Variants in ANKS1B observed in about 807,000 individuals in gnomAD.
The protein encoded by ANKS1B is ankyrin repeat and sterile alpha motif domain containing 1B.
ANKS1B carries 36 observed loss-of-function variants against 148.3 expected under a neutral mutation model. The ratio of observed to expected loss-of-function variants is 0.24; its 90% CI spans 0.19 to 0.32. The LOEUF (loss-of-function observed/expected upper bound fraction) is 0.32, where lower values mean the gene tolerates loss of function less well. Among genes scored for constraint, ANKS1B ranks in the 10% least tolerant of loss-of-function variants. ANKS1B has a pLI of 1.00. For missense variants in ANKS1B, 1,157 were observed against 1,542.6 expected, an observed-to-expected ratio of 0.75 and a Z score of 4.19; for synonymous variants, 542 against 560.8, an observed-to-expected ratio of 0.97 and a Z score of 0.47.
At chr12:99,352,363 A>T (rs2091510958) in intron 12 of ANKS1B, among the ~76,000 whole-genome samples, 1 of 152,026 alleles carries the variant, frequency 6.6e-6, no homozygotes, top group South Asian at 2.1e-4. Flanking sequence ...ACAAAAGTAT[A>T]AATAAGAATG....
intron 8 of ANKS1B, among the ~76,000 whole-genome samples, chr12:99,690,168 G>A (rs2098671378): frequency 6.6e-6 from 1 of 152,108 alleles, no homozygotes; most frequent in Admixed American, 6.5e-5. Context: ...CATGAGAACA[G>A]CATAGGGGAA....
intron 14 of ANKS1B, among the ~76,000 whole-genome samples, chr12:99,222,638 A>C (rs1469383824): frequency 6.6e-6 from 1 of 152,158 alleles, no homozygotes; most frequent in African/African-American, 2.4e-5. Context: ...ACAAACAAAC[A>C]AAACTCTCTT....
chr12:98,800,954 CT>C (rs761322344), intron 21 of ANKS1B, 42 bp downstream of exon 21: 20 of 1,590,982 alleles, frequency 1.3e-5, no homozygotes, highest in Non-Finnish European at 1.6e-5. Flanking sequence ...AACATACCCC[CT>C]ATCTCCACTT....
intron 1 of ANKS1B, among the ~76,000 whole-genome samples, chr12:99,886,576 CA>C (rs2092833243): frequency 6.6e-6 from 1 of 151,764 alleles, no homozygotes; most frequent in Admixed American, 6.6e-5. Context: ...CTATGCATAC[CA>C]TCAACAAAGT....
At chr12:99,357,177 G>A (rs1195157460) in intron 12 of ANKS1B, among the ~76,000 whole-genome samples, 1 of 151,368 alleles carries the variant, frequency 6.6e-6, no homozygotes, top group Non-Finnish European at 1.5e-5. Context: ...ATGCTGATTT[G>A]GATTCAGCTT....
chr12:98,920,439 C>T (rs1423493502), intron 17 of ANKS1B, among the ~76,000 whole-genome samples: 4 of 152,174 alleles, frequency 2.6e-5, no homozygotes, highest in Admixed American at 6.5e-5. Context: ...TACAGTTCCA[C>T]GTGGCTGGGA....
intron 1 of ANKS1B, among the ~76,000 whole-genome samples, chr12:99,967,420 G>A (rs971751856): frequency 2.6e-5 from 4 of 151,916 alleles, no homozygotes; most frequent in South Asian, 2.1e-4. Flanking sequence ...TTTCCATTAC[G>A]GTTTTTTCTT....
At chr12:99,186,474 C>T (rs1446310597) in intron 14 of ANKS1B, among the ~76,000 whole-genome samples, 2 of 152,168 alleles carry the variant, frequency 1.3e-5, no homozygotes, top group African/African-American at 4.8e-5. Context: ...TCGACAGACA[C>T]CTCACACAGG....
intron 9 of ANKS1B, among the ~76,000 whole-genome samples, chr12:99,584,773 T>C (rs942326697): frequency 6.6e-6 from 1 of 152,094 alleles, no homozygotes; most frequent in African/African-American, 2.4e-5. Context: ...CAACAGAACA[T>C]GAGCAGGGGA....
At chr12:99,107,489 C>A (rs1364602164) in intron 15 of ANKS1B, among the ~76,000 whole-genome samples, 1 of 152,164 alleles carries the variant, frequency 6.6e-6, no homozygotes, top group African/African-American at 2.4e-5. Context: ...TTTGGGGTAT[C>A]CATTTCTATA....
chr12:99,459,210 A>T (rs1007831803), intron 10 of ANKS1B, among the ~76,000 whole-genome samples: 100 of 152,170 alleles, frequency 6.6e-4, no homozygotes, highest in African/African-American at 2.3e-3. Context: ...GAAATCCAGC[A>T]TCCCTTTATG....
intron 12 of ANKS1B, among the ~76,000 whole-genome samples, chr12:99,372,477 A>G (rs1287390015): frequency 1.3e-5 from 2 of 152,250 alleles, no homozygotes; most frequent in Admixed American, 1.3e-4. Flanking sequence ...TTCAGGGAAG[A>G]ATAAGATGTT....
intron 20 of ANKS1B, 34 bp downstream of exon 20, chr12:98,807,810 T>C (rs1435405740): frequency 6.3e-7 from 1 of 1,593,016 alleles, no homozygotes; most frequent in Non-Finnish European, 8.6e-7. Context: ...ATAGCGCAAG[T>C]TCAGGAGAAG....
At chr12:98,844,251 C>T (rs976145733) in intron 17 of ANKS1B, among the ~76,000 whole-genome samples, 1 of 152,156 alleles carries the variant, frequency 6.6e-6, no homozygotes, top group Non-Finnish European at 1.5e-5. Context: ...CAGTATTCGC[C>T]TCTTAGTGTA....
At chr12:99,915,225 C>CAAAAAAA (rs34176071) in intron 1 of ANKS1B, among the ~76,000 whole-genome samples, 1 of 101,654 alleles carries the variant, frequency 9.8e-6, no homozygotes, top group Non-Finnish European at 1.9e-5. Flanking sequence ...AAAGCTGTCT[C>CAAAAAAA]AAAAAAAAAA....
intron 17 of ANKS1B, among the ~76,000 whole-genome samples, chr12:99,010,866 C>T (rs1377773381): frequency 6.8e-6 from 1 of 147,466 alleles, no homozygotes; most frequent in Non-Finnish European, 1.5e-5. Flanking sequence ...GACCCTCCCA[C>T]TTTCAAGTAG....
chr12:99,957,650 T>C (rs888287289), intron 1 of ANKS1B, among the ~76,000 whole-genome samples: 3 of 152,222 alleles, frequency 2.0e-5, no homozygotes, highest in African/African-American at 7.2e-5. Context: ...CTTATTAAAT[T>C]TCTGTGGCTC....
In ANKS1B at chr12:99,217,471, T is replaced by C. The variant is rs80126872; in HGVS notation, c.2419+26871A>G. Among the ~76,000 whole-genome samples the C allele has an allele frequency of 7.0e-4, 106 of 152,236 alleles. 3 individuals carry two copies. The East Asian group carries it at 0.02, about 29-fold the overall frequency. On this transcript the variant is annotated intron_variant, in intron 14 of 26. Coordinates refer to ENST00000683438, the MANE Select transcript of ANKS1B (RefSeq NM_001352186.2). Reference sequence around the variant, plus strand: ...CATTCTGACTGCCTGGATGTTCCATTATGTTTCCTACCTCCTCTTAAGATC... The same window carrying C: ...CATTCTGACTGCCTGGATGTTCCATCATGTTTCCTACCTCCTCTTAAGATC...
At chr12:99,378,778 G>T (rs1373595094) in intron 12 of ANKS1B, among the ~76,000 whole-genome samples, 2 of 152,086 alleles carry the variant, frequency 1.3e-5, no homozygotes, top group Non-Finnish European at 2.9e-5. Context: ...TTATGCATAG[G>T]TCACTTATTA....
Sources: gnomAD v4.1 joint callset for allele counts (sites outside exome capture counted in the v4.1 genomes callset) on GRCh38, gnomAD v4.1.1 for gene constraint, MANE v1.5 for transcripts, NCBI Gene and HGNC (gene_info 2026-07-23, HGNC 2026-07-21) for gene names.